The following POT1 variants were observed in gnomAD, a reference collection of about 807,000 sequenced individuals.
POT1 encodes protection of telomeres protein 1.
POT1 carries 47 observed loss-of-function variants against 78.5 expected under a neutral mutation model. The ratio of observed to expected loss-of-function variants is 0.60; its 90% confidence interval spans 0.47 to 0.76. The LOEUF is 0.76. Ranked by LOEUF, POT1 falls within the 30% of genes least tolerant of loss-of-function variation. The pLI, the probability that POT1 is intolerant of heterozygous loss-of-function variation, is 0.00. For synonymous variants in POT1, 259 were observed against 260.7 expected, an observed-to-expected ratio of 0.99 and a Z score of 0.06; for missense variants, 646 against 749.9, an observed-to-expected ratio of 0.86 and a Z score of 1.62.
intron 3 of POT1, among the ~76,000 whole-genome samples, chr7:124,905,769 G>A (rs547781112): frequency 2.6e-5 from 4 of 152,064 alleles, no homozygotes; most frequent in East Asian, 1.9e-4. Flanking sequence ...GAATCTACAC[G>A]GAACTTAAAC....
chr7:124,880,722 T>C (rs1232131963), intron 6 of POT1, among the ~76,000 whole-genome samples: 1 of 152,040 alleles, frequency 6.6e-6, no homozygotes, highest in African/African-American at 2.4e-5. Context: ...TCGAGATCTT[T>C]ACAAGGCCAC....
At position 124,822,550 on chromosome 7, in the gene POT1, TC is replaced by T. The variant is rs1794530535; in HGVS notation, c.*1411del. ...CCTCTACTCTTCTAGATTGAGGGCTTCCTGAAGGCAGAAAAAATGTTTATTT... is the reference window on the plus strand; with the variant it reads ...CCTCTACTCTTCTAGATTGAGGGCTTCTGAAGGCAGAAAAAATGTTTATTT... On this transcript the variant is annotated 3_prime_UTR_variant, in exon 19 of 19. Transcript: ENST00000357628. 2 of 455,838 alleles carry T rather than the reference TC, an allele frequency of 4.4e-6. No homozygotes were observed. The highest frequency in any genetic ancestry group is 3.1e-5 in the South Asian group (2 of 64,420). 28.2% of individuals were successfully genotyped at this position (455,838 alleles called of 1,614,324 possible). A position where few individuals can be genotyped will look rare whatever the true frequency, so the allele number is the denominator to read the frequency against.
In POT1 at chr7:124,843,054, T is replaced by C. The variant is rs987025359; in HGVS notation, c.1007-91A>G. ...ACCAAATATATACTATAAAATCTAA[T>C]TAATTTAAGCTCTATTAAGTGTCAC... is the stretch of plus-strand genomic sequence containing the variant. On this transcript the variant is annotated intron_variant, in intron 12 of 18. Coordinates refer to ENST00000357628, the MANE Select transcript of POT1 (RefSeq NM_015450.3). 12 of 923,524 alleles carry C rather than the reference T, an allele frequency of 1.3e-5. No individual in the cohort carries two copies. The African/African-American group carries it at 1.9e-4, about 14-fold the overall frequency. The allele number at this position is 923,524 out of a possible 1,614,324, so 57.2% of individuals were successfully genotyped here. A position where few individuals can be genotyped will look rare whatever the true frequency, so the allele number is the denominator to read the frequency against.
chr7:124,889,792 C>T (rs1430542444), intron 6 of POT1, among the ~76,000 whole-genome samples: 1 of 151,958 alleles, frequency 6.6e-6, no homozygotes, highest in Non-Finnish European at 1.5e-5. Context: ...TTAAGCCCAA[C>T]GTTGAGACGT....
intron 2 of POT1, among the ~76,000 whole-genome samples, chr7:124,920,988 T>C (rs2116711405): frequency 6.6e-6 from 1 of 152,054 alleles, no homozygotes; most frequent in East Asian, 1.9e-4. Context: ...TCCCAGCTAC[T>C]TGGGAGGCTG....
intron 12 of POT1, among the ~76,000 whole-genome samples, chr7:124,846,211 C>T (rs956411834): frequency 4.7e-5 from 7 of 148,290 alleles, no homozygotes; most frequent in African/African-American, 7.8e-5. Flanking sequence ...AATGTGTACA[C>T]GTGTGAATAT....
intron 11 of POT1, 130 bp downstream of exon 11, chr7:124,851,742 T>A (rs1795310682): frequency 1.4e-6 from 1 of 703,548 alleles, no homozygotes; most frequent in South Asian, 1.8e-5. Context: ...AGATAAAGAT[T>A]TTAGTATGTT....
At chr7:124,826,637 C>A (rs1450211053) in intron 17 of POT1, among the ~76,000 whole-genome samples, 1 of 152,004 alleles carries the variant, frequency 6.6e-6, no homozygotes, top group Non-Finnish European at 1.5e-5. Context: ...TTTGGGAGGC[C>A]AAGGGTGGGT....
At chr7:124,905,390 C>T (rs1359576380) in intron 3 of POT1, among the ~76,000 whole-genome samples, 1 of 152,262 alleles carries the variant, frequency 6.6e-6, no homozygotes, top group African/African-American at 2.4e-5. Context: ...AAAGGATTCC[C>T]TATTCAATAA....
chr7:124,913,443 GATA>G (rs1796939694), intron 3 of POT1, among the ~76,000 whole-genome samples: 1 of 152,072 alleles, frequency 6.6e-6, no homozygotes, highest in Non-Finnish European at 1.5e-5. Flanking sequence ...TCATGTTCAT[GATA>G]ATGTCCTTTG....
intron 6 of POT1, among the ~76,000 whole-genome samples, chr7:124,886,897 TTTAAG>T (rs1433919469): frequency 1.4e-4 from 21 of 152,148 alleles, no homozygotes; most frequent in Non-Finnish European, 2.6e-4. Context: ...ATTATCATAT[TTTAAG>T]TTTTTTTTAA....
At chr7:124,920,984 C>A (rs1433336801) in intron 2 of POT1, among the ~76,000 whole-genome samples, 2 of 151,982 alleles carry the variant, frequency 1.3e-5, no homozygotes, top group Non-Finnish European at 2.9e-5. Flanking sequence ...ATAATCCCAG[C>A]TACTTGGGAG....
chr7:124,864,707 A>G (rs1183069667), intron 7 of POT1, among the ~76,000 whole-genome samples: 1 of 152,152 alleles, frequency 6.6e-6, no homozygotes, highest in Non-Finnish European at 1.5e-5. Context: ...CTTCACAAAT[A>G]TCTTTTCAAT....
chr7:124,837,789 C>A (rs1426181437), intron 14 of POT1, among the ~76,000 whole-genome samples: 2 of 151,818 alleles, frequency 1.3e-5, no homozygotes, highest in Non-Finnish European at 2.9e-5. Context: ...CTTAAGAAAA[C>A]ACATAAAAAA....
At chr7:124,841,453 T>C (rs1795026964) in intron 13 of POT1, among the ~76,000 whole-genome samples, 1 of 151,950 alleles carries the variant, frequency 6.6e-6, no homozygotes, top group Non-Finnish European at 1.5e-5. Flanking sequence ...GATACAAAGT[T>C]ACTCATAATT....
chr7:124,857,177 T>C (rs1171485082), intron 9 of POT1, among the ~76,000 whole-genome samples: 2 of 152,242 alleles, frequency 1.3e-5, no homozygotes, highest in East Asian at 1.9e-4. Context: ...AAATTGGGCA[T>C]TGAAATTCAG....
intron 12 of POT1, among the ~76,000 whole-genome samples, chr7:124,843,661 A>G (rs1190890902): frequency 6.6e-6 from 1 of 152,220 alleles, no homozygotes. Flanking sequence ...GATTGTAGTG[A>G]TCAGTTTTTA....
chr7:124,883,609 G>A, intron 6 of POT1, among the ~76,000 whole-genome samples: 1 of 151,862 alleles, frequency 6.6e-6, no homozygotes, highest in African/African-American at 2.4e-5. Context: ...AAATATTCAG[G>A]TAAGTGAATA....
At chr7:124,858,225 A>C (rs994127579) in intron 9 of POT1, among the ~76,000 whole-genome samples, 1 of 152,206 alleles carries the variant, frequency 6.6e-6, no homozygotes, top group African/African-American at 2.4e-5. Flanking sequence ...GAACGAGATG[A>C]CTACCATCAC....
Sources: gnomAD v4.1 joint callset for allele counts (sites outside exome capture counted in the v4.1 genomes callset) on GRCh38, gnomAD v4.1.1 for gene constraint, MANE v1.5 for transcripts, NCBI Gene and HGNC (gene_info 2026-07-23, HGNC 2026-07-21) for gene names.